DPP10: variants seen among roughly 807,000 people sequenced by gnomAD.
DPP10 encodes inactive dipeptidyl peptidase 10.
Under a neutral mutation model 120.9 loss-of-function variants are expected in DPP10, and 33 were observed. The observed-to-expected ratio is 0.27, with a 90% CI of 0.21 to 0.37. The LOEUF (loss-of-function observed/expected upper bound fraction) is 0.37. Among genes scored for constraint, DPP10 ranks in the 10% least tolerant of loss-of-function variants. DPP10 has a pLI of 1.00. For synonymous variants in DPP10, 337 were observed against 326.1 expected, an observed-to-expected ratio of 1.03 and a Z score of -0.36; for missense variants, 816 against 942.8, an observed-to-expected ratio of 0.87 and a Z score of 1.76.
At chr2:115,493,551 G>A (rs1476528372) in intron 3 of DPP10, among the ~76,000 whole-genome samples, 1 of 151,174 alleles carries the variant, frequency 6.6e-6, no homozygotes, top group Non-Finnish European at 1.5e-5. Context: ...AGTTTGGAAG[G>A]ATGCCTTTGT....
At chr2:114,882,350 T>C in intron 1 of DPP10, among the ~76,000 whole-genome samples, 1 of 152,084 alleles carries the variant, frequency 6.6e-6, no homozygotes, top group East Asian at 1.9e-4. Flanking sequence ...AATAATGGCA[T>C]TTGCAGCAAG....
intron 1 of DPP10, among the ~76,000 whole-genome samples, chr2:115,252,402 A>T (rs1224963994): frequency 6.6e-6 from 1 of 152,298 alleles, no homozygotes; most frequent in East Asian, 1.9e-4. Context: ...TGCAAACCTG[A>T]CTGCAATGGG....
intron 1 of DPP10, among the ~76,000 whole-genome samples, chr2:115,251,829 A>T (rs1206818266): frequency 2.6e-5 from 4 of 152,228 alleles, no homozygotes; most frequent in Admixed American, 2.0e-4. Flanking sequence ...GTGTATATTT[A>T]TAAAATATTC....
At chr2:115,715,764 A>G (rs1447972048) in intron 7 of DPP10, among the ~76,000 whole-genome samples, 1 of 152,214 alleles carries the variant, frequency 6.6e-6, no homozygotes, top group Non-Finnish European at 1.5e-5. Flanking sequence ...CATTTTCTTT[A>G]TTAATACATT....
At chr2:115,550,179 C>T (rs544006642) in intron 5 of DPP10, among the ~76,000 whole-genome samples, 1 of 152,194 alleles carries the variant, frequency 6.6e-6, no homozygotes, top group Non-Finnish European at 1.5e-5. Flanking sequence ...AGTAATGGCT[C>T]TTATAAAAAT....
chr2:115,153,023 A>G (rs1368486713), intron 1 of DPP10, among the ~76,000 whole-genome samples: 1 of 152,150 alleles, frequency 6.6e-6, no homozygotes, highest in African/African-American at 2.4e-5. Flanking sequence ...GCCTACCCAC[A>G]CAGTAGATTG....
At chr2:115,385,319 A>C (rs574285049) in intron 3 of DPP10, among the ~76,000 whole-genome samples, 1 of 151,532 alleles carries the variant, frequency 6.6e-6, no homozygotes, top group South Asian at 2.1e-4. Flanking sequence ...CCGTTAGACC[A>C]ATCCCTTTTG....
At chr2:114,478,431 GCATCTACAAAAAA>G (rs1680708962) in intron 1 of DPP10, among the ~76,000 whole-genome samples, 2 of 151,940 alleles carry the variant, frequency 1.3e-5, no homozygotes, top group African/African-American at 2.4e-5. Context: ...TTGACAAAAA[GCATCTACAAAAAA>G]CCTAAAATTA....
chr2:115,238,524 T>G (rs1270527106), intron 1 of DPP10, among the ~76,000 whole-genome samples: 1 of 152,122 alleles, frequency 6.6e-6, no homozygotes, highest in African/African-American at 2.4e-5. Flanking sequence ...CCAACCCTCA[T>G]GAATGACTTT....
At chr2:115,449,812 A>G (rs943121027) in intron 3 of DPP10, among the ~76,000 whole-genome samples, 5 of 152,144 alleles carry the variant, frequency 3.3e-5, no homozygotes, top group Non-Finnish European at 7.4e-5. Context: ...TGTGCCATAA[A>G]TAGCAAGGTA....
chr2:115,732,468 C>T (rs970372150), intron 8 of DPP10, among the ~76,000 whole-genome samples: 8 of 150,482 alleles, frequency 5.3e-5, no homozygotes, highest in Non-Finnish European at 8.9e-5. Flanking sequence ...TTTTAAACAG[C>T]GAAGTCAGAA....
At chr2:115,611,082 T>C (rs981944840) in intron 5 of DPP10, among the ~76,000 whole-genome samples, 4 of 152,110 alleles carry the variant, frequency 2.6e-5, no homozygotes, top group African/African-American at 2.4e-5. Context: ...AAAGCCAGAT[T>C]GTGCAACTAA....
chr2:115,093,854 CTT>C (rs1329508580), intron 1 of DPP10, among the ~76,000 whole-genome samples: 1 of 151,952 alleles, frequency 6.6e-6, no homozygotes, highest in Non-Finnish European at 1.5e-5. Flanking sequence ...CATCTTGTGT[CTT>C]TGTGTAGGCA....
chr2:115,583,924 GA>G (rs2082143036), intron 5 of DPP10, among the ~76,000 whole-genome samples: 2 of 152,302 alleles, frequency 1.3e-5, no homozygotes, highest in South Asian at 4.1e-4. Flanking sequence ...TGCCTCTGAG[GA>G]GGATTTCCCT....
At chr2:115,243,773 A>ATT (rs35758447) in intron 1 of DPP10, among the ~76,000 whole-genome samples, 60,037 of 148,908 alleles carry the variant, frequency 0.4, 14,708 homozygotes, top group Non-Finnish European at 0.56. Flanking sequence ...TTTTTAAACT[A>ATT]TTTTTTTTTT....
intron 11 of DPP10, among the ~76,000 whole-genome samples, chr2:115,761,163 T>G (rs1680072218): frequency 6.6e-6 from 1 of 151,022 alleles, no homozygotes; most frequent in African/African-American, 2.4e-5. Flanking sequence ...TTCCAACACT[T>G]TGGGAGGCCA....
chr2:114,852,175 T>TTTC (rs1688996132), intron 1 of DPP10, among the ~76,000 whole-genome samples: 1 of 146,904 alleles, frequency 6.8e-6, no homozygotes, highest in Non-Finnish European at 1.5e-5. Context: ...TTTTTTTTTT[T>TTTC]TCATAAAATG....
intron 1 of DPP10, among the ~76,000 whole-genome samples, chr2:115,085,599 A>T (rs1708626714): frequency 6.6e-6 from 1 of 152,214 alleles, no homozygotes; most frequent in Non-Finnish European, 1.5e-5. Context: ...GAAAATCAGA[A>T]GCAGGTAGTG....
At chr2:115,806,458 A>G (rs7601876) in intron 19 of DPP10, among the ~76,000 whole-genome samples, 18,504 of 152,194 alleles carry the variant, frequency 0.12, 1,290 homozygotes, top group African/African-American at 0.18. Flanking sequence ...AAGGTGTAAA[A>G]TTCCCTATGT....
Sources: gnomAD v4.1 joint callset for allele counts (sites outside exome capture counted in the v4.1 genomes callset) on GRCh38, gnomAD v4.1.1 for gene constraint, MANE v1.5 for transcripts, NCBI Gene and HGNC (gene_info 2026-07-23, HGNC 2026-07-21) for gene names.